Variants in BMAL2 observed in about 807,000 individuals in gnomAD.
The protein encoded by BMAL2 is basic helix-loop-helix ARNT like 2.
chr12:27,414,576 A>T, the BMAL2 span, among the ~76,000 whole-genome samples: 1 of 152,214 alleles, frequency 6.6e-6, no homozygotes, highest in Non-Finnish European at 1.5e-5. Flanking sequence ...GAAGAAATCA[A>T]AGGGGAAATT....
chr12:27,393,472 A>G, the BMAL2 span, among the ~76,000 whole-genome samples: 31,368 of 152,128 alleles, frequency 0.21, 3,969 homozygotes, highest in African/African-American at 0.35. Context: ...TTTGACAGTC[A>G]CTGCTTTAGA....
the BMAL2 span, chr12:27,422,413 C>A: frequency 6.6e-6 from 1 of 152,234 alleles, no homozygotes; most frequent in South Asian, 2.1e-4. Flanking sequence ...TAGATTAGAA[C>A]TTCTGTCAGA....
chr12:27,368,358 C>T, the BMAL2 span: 1 of 1,614,114 alleles, frequency 6.2e-7, no homozygotes, highest in Non-Finnish European at 8.5e-7. Context: ...TCTTTCAGCT[C>T]ACACATGACA....
chr12:27,392,019 A>AAAATGCAT, the BMAL2 span, among the ~76,000 whole-genome samples: 3 of 152,202 alleles, frequency 2.0e-5, no homozygotes, highest in African/African-American at 7.2e-5. Context: ...ATCGTAAGCA[A>AAAATGCAT]GTTTCTTAAT....
At chr12:27,384,067 G>A in the BMAL2 span, among the ~76,000 whole-genome samples, 1 of 152,162 alleles carries the variant, frequency 6.6e-6, no homozygotes, top group Admixed American at 6.5e-5. Flanking sequence ...CAGTACCCAG[G>A]AAGAAGGGAT....
chr12:27,333,028 T>G, the BMAL2 span: 1 of 1,187,560 alleles, frequency 8.4e-7, no homozygotes, highest in African/African-American at 1.6e-5. Flanking sequence ...GGCTCCTCCA[T>G]GCTGCCAGCC....
the BMAL2 span, among the ~76,000 whole-genome samples, chr12:27,349,479 CATT>C: frequency 2.0e-5 from 3 of 152,128 alleles, no homozygotes; most frequent in East Asian, 5.8e-4. Flanking sequence ...AATTACCTGG[CATT>C]ATAGTTCTGA....
the BMAL2 span, among the ~76,000 whole-genome samples, chr12:27,393,770 G>A: frequency 2.0e-5 from 3 of 152,190 alleles, no homozygotes; most frequent in Non-Finnish European, 4.4e-5. Context: ...ACACACTGGG[G>A]AGCAGGTAGA....
At chr12:27,423,404 A>G in the BMAL2 span, 5 of 135,258 alleles carry the variant, frequency 3.7e-5, no homozygotes, top group African/African-American at 1.4e-4. Flanking sequence ...ATCTTGGCTC[A>G]CTGCCATCTC....
the BMAL2 span, among the ~76,000 whole-genome samples, chr12:27,335,036 T>A: frequency 3.9e-5 from 6 of 152,248 alleles, no homozygotes; most frequent in African/African-American, 1.4e-4. Context: ...TCCAGACACC[T>A]GCTTATCTAA....
At chr12:27,416,005 C>T in the BMAL2 span, 1 of 1,205,522 alleles carries the variant, frequency 8.3e-7, no homozygotes, top group South Asian at 1.4e-5. Context: ...AAATTTGCCC[C>T]TTGTTGATTA....
At chr12:27,374,310 A>T in the BMAL2 span, among the ~76,000 whole-genome samples, 1 of 152,216 alleles carries the variant, frequency 6.6e-6, no homozygotes. Context: ...ATCCAAACTA[A>T]TTTTTCTTGT....
At chr12:27,372,011 C>T in the BMAL2 span, among the ~76,000 whole-genome samples, 3 of 152,124 alleles carry the variant, frequency 2.0e-5, no homozygotes, top group Admixed American at 6.5e-5. Flanking sequence ...GGTGGACTGC[C>T]TGAGCTTAGG....
chr12:27,415,851 A>G, the BMAL2 span: 122 of 1,545,000 alleles, frequency 7.9e-5, 1 homozygote, highest in Admixed American at 1.9e-3. Context: ...AAAATGTTTT[A>G]TGTATCACTT....
the BMAL2 span, among the ~76,000 whole-genome samples, chr12:27,339,325 G>A: frequency 6.6e-6 from 1 of 152,188 alleles, no homozygotes; most frequent in Non-Finnish European, 1.5e-5. Context: ...ATTCCATGGT[G>A]TATATTTACC....
chr12:27,405,433 T>C, the BMAL2 span, among the ~76,000 whole-genome samples: 5 of 152,230 alleles, frequency 3.3e-5, no homozygotes, highest in Non-Finnish European at 5.9e-5. Context: ...CAACAATTGC[T>C]GTTCACCAAT....
chr12:27,333,328 G>A, the BMAL2 span, among the ~76,000 whole-genome samples: 1 of 152,022 alleles, frequency 6.6e-6, no homozygotes, highest in African/African-American at 2.4e-5. Flanking sequence ...AGCGGGACGC[G>A]GGGAGGGGAG....
At chr12:27,357,306 C>A in the BMAL2 span, among the ~76,000 whole-genome samples, 1 of 152,032 alleles carries the variant, frequency 6.6e-6, no homozygotes, top group Non-Finnish European at 1.5e-5. Context: ...ATATACCTAA[C>A]CAAGGAGATA....
chr12:27,389,041 T>C, the BMAL2 span: 1 of 701,416 alleles, frequency 1.4e-6, no homozygotes, highest in Non-Finnish European at 2.5e-6. Flanking sequence ...ATTAAGTTCA[T>C]GTCACACAGT....
Sources: gnomAD v4.1 joint callset for allele counts (sites outside exome capture counted in the v4.1 genomes callset) on GRCh38, gnomAD v4.1.1 for gene constraint, MANE v1.5 for transcripts, NCBI Gene and HGNC (gene_info 2026-07-23, HGNC 2026-07-21) for gene names.